Variants in KCTD19 observed in about 807,000 individuals in gnomAD.
KCTD19 encodes the protein BTB/POZ domain-containing protein KCTD19.
Under a neutral mutation model 103.5 loss-of-function variants are expected in KCTD19, and 67 were observed. The observed-to-expected ratio is 0.65, with a 90% CI of 0.53 to 0.79. The LOEUF (loss-of-function observed/expected upper bound fraction) is 0.79, where lower values mean the gene tolerates loss of function less well. KCTD19 is among the 30% of genes least tolerant of loss of function. The pLI is 0.00. For missense variants in KCTD19, 980 were observed against 1,136.1 expected, an observed-to-expected ratio of 0.86 and a Z score of 1.98; for synonymous variants, 439 against 452.2, an observed-to-expected ratio of 0.97 and a Z score of 0.37.
intron 7 of KCTD19, 92 bp downstream of exon 7, chr16:67,297,410 AC>A (rs1257108566): frequency 1.6e-6 from 2 of 1,273,714 alleles, no homozygotes; most frequent in Non-Finnish European, 2.2e-6. Flanking sequence ...TCCTCCATCT[AC>A]AGTTCCTCGT....
chr16:67,323,513 G>C lies in KCTD19; in HGVS notation c.4-2628C>G, dbSNP rs1202765006. On this transcript the variant is annotated intron_variant, in intron 1 of 15. Coordinates refer to ENST00000304372, the MANE Select transcript of KCTD19 (RefSeq NM_001100915.3). This position sits in a 1 kb window ranked among gnomAD's most constrained non-coding sequence, Gnocchi z 4.1. ...ACTCCAGCCTGGGCGTCAGAGTGAG[G>C]CACGTCTCTAAAAAAATAAAAAATA... Among the ~76,000 whole-genome samples, 2 of 152,058 alleles carry C rather than the reference G, an allele frequency of 1.3e-5. No homozygotes were observed. The highest frequency in any genetic ancestry group is 1.3e-4 in the Admixed American group (2 of 15,246).
chr16:67,318,157 T>C (rs1319220434), intron 2 of KCTD19, among the ~76,000 whole-genome samples: 1 of 152,224 alleles, frequency 6.6e-6, no homozygotes, highest in Non-Finnish European at 1.5e-5. Flanking sequence ...TTACAGTCTT[T>C]TTTTAGGGAG....
At chr16:67,305,544 G>A (rs1159089557) in intron 2 of KCTD19, 8 of 452,488 alleles carry the variant, frequency 1.8e-5, no homozygotes, top group Non-Finnish European at 3.5e-5. Flanking sequence ...ACCCCAACTA[G>A]GCAAGCCTGA....
intron 7 of KCTD19, among the ~76,000 whole-genome samples, chr16:67,297,205 G>T (rs809224): frequency 6.6e-6 from 1 of 152,136 alleles, no homozygotes; most frequent in Non-Finnish European, 1.5e-5. Flanking sequence ...CTCCCTGCAT[G>T]GCTGTGAGAA....
chr16:67,301,621 A>C (rs2036834973), intron 5 of KCTD19, among the ~76,000 whole-genome samples, 170 bp downstream of exon 5: 1 of 152,148 alleles, frequency 6.6e-6, no homozygotes, highest in Non-Finnish European at 1.5e-5. Flanking sequence ...AGGGCAGCAC[A>C]CAGGGTTTCA....
chr16:67,304,393 T>C, intron 3 of KCTD19, 28 bp downstream of exon 3: 2 of 1,611,940 alleles, frequency 1.2e-6, no homozygotes, highest in Admixed American at 1.7e-5. Flanking sequence ...GTGTGGGCTT[T>C]AGGGAGGGAC....
At chr16:67,325,207 C>CTTTTTTTTTTTTTTTTTTTTTTTTT (rs10695930) in intron 1 of KCTD19, among the ~76,000 whole-genome samples, 2 of 113,170 alleles carry the variant, frequency 1.8e-5, no homozygotes, top group African/African-American at 3.9e-5. Context: ...TTCTTTTTTT[C>CTTTTTTTTTTTTTTTTTTTTTTTTT]TTTTTTTTTT....
In KCTD19 at chr16:67,293,526, A is replaced by C; in HGVS notation, c.2218+18T>G. The stretch of plus-strand genomic sequence containing the variant: ...TCTGTTGTGAATAAGACTTAGATCA[A>C]AGGGGGACAGGACTCACCTCTCTCC... On this transcript the variant is annotated intron_variant, in intron 12 of 15. Coordinates refer to ENST00000304372, the MANE Select transcript of KCTD19 (RefSeq NM_001100915.3). This position sits in a 1 kb window ranked among gnomAD's most constrained non-coding sequence, Gnocchi z 4.0. 6.2e-7 allele frequency: 1 copy of C among 1,607,596 alleles called. No individual in the cohort carries two copies. Among genetic ancestry groups the C allele is most frequent in the Non-Finnish European group, 8.5e-7 (1 of 1,176,284 alleles).
chr16:67,324,756 C>T (rs930658363), intron 1 of KCTD19, among the ~76,000 whole-genome samples: 1 of 152,106 alleles, frequency 6.6e-6, no homozygotes, highest in South Asian at 2.1e-4. Flanking sequence ...CCATCTCTCC[C>T]ACAGCAATAT....
intron 12 of KCTD19, among the ~76,000 whole-genome samples, chr16:67,292,753 T>A: frequency 6.6e-6 from 1 of 152,184 alleles, no homozygotes; most frequent in East Asian, 1.9e-4. Flanking sequence ...CTCTCTCCAG[T>A]TCAGTCCCTG....
Position 67,326,701 on chromosome 16 carries a change from G to A in KCTD19, c.3+4C>T, listed in dbSNP as rs1352108449. 4 of 1,579,474 alleles carry A rather than the reference G, an allele frequency of 2.5e-6. No homozygotes were observed. Among genetic ancestry groups the A allele is most frequent in the East Asian group, 2.5e-5 (1 of 40,482 alleles). ...TGGCGCCCCCGCCAGAGCGGGCTCC[G>A]TACCATGGTCGCGGCTCCAGCAGCG... is the stretch of plus-strand genomic sequence containing the variant. On this transcript the variant is annotated splice_donor_region_variant and intron_variant, in intron 1 of 15. Transcript: ENST00000304372.
At chr16:67,325,566 G>C (rs555641301) in intron 1 of KCTD19, among the ~76,000 whole-genome samples, 50 of 152,046 alleles carry the variant, frequency 3.3e-4, no homozygotes, top group Non-Finnish European at 6.2e-4. Context: ...GTTAAGGATA[G>C]GGTGTGACAA....
Position 67,316,908 on chromosome 16 carries a change from G to A in KCTD19, c.300+3681C>T, listed in dbSNP as rs115766386. Among the ~76,000 whole-genome samples the A allele has an allele frequency of 2.9e-3, 446 of 152,274 alleles. 4 individuals carry two copies. Among genetic ancestry groups the A allele is most frequent in the African/African-American group, 0.01 (436 of 41,548 alleles). ...GAGCAGAGCAGCAGCGTGAGCCTGG[G>A]TGCCTGTACTCCAGAAGCTTCCCAT... On this transcript the variant is annotated intron_variant, in intron 2 of 15. Coordinates refer to ENST00000304372, the MANE Select transcript of KCTD19 (RefSeq NM_001100915.3).
At chr16:67,314,796 G>T (rs2036984976) in intron 2 of KCTD19, among the ~76,000 whole-genome samples, 1 of 91,806 alleles carries the variant, frequency 1.1e-5, no homozygotes, top group Non-Finnish European at 2.0e-5. Context: ...TTTTCACTTA[G>T]CATTATATAT....
chr16:67,314,863 AGAGAGAGAGAGG>A (rs1229511727), intron 2 of KCTD19, among the ~76,000 whole-genome samples: 214 of 144,354 alleles, frequency 1.5e-3, no homozygotes, highest in Non-Finnish European at 2.2e-3. Flanking sequence ...AGAGAGAGAG[AGAGAGAGAGAGG>A]GGAAGGGTCT....
chr16:67,315,141 G>A (rs959959782), intron 2 of KCTD19, among the ~76,000 whole-genome samples: 1 of 151,202 alleles, frequency 6.6e-6, no homozygotes, highest in African/African-American at 2.4e-5. Flanking sequence ...ATAACATTTA[G>A]AATAAATCCT....
intron 8 of KCTD19, 36 bp downstream of exon 8, chr16:67,296,123 C>T: frequency 8.0e-7 from 1 of 1,245,376 alleles, no homozygotes; most frequent in Non-Finnish European, 1.2e-6. Context: ...GGTGGTGATG[C>T]CAGATGGGGA....
chr16:67,290,425 G>A (rs1401808124), intron 15 of KCTD19, among the ~76,000 whole-genome samples: 11 of 151,986 alleles, frequency 7.2e-5, no homozygotes, highest in African/African-American at 2.4e-4. Flanking sequence ...TGATCCACCC[G>A]CCTCGGCCTC....
chr16:67,325,915 C>CT (rs777824146), intron 1 of KCTD19: 2,681 of 129,314 alleles, frequency 0.021, 71 homozygotes, highest in African/African-American at 0.048. Flanking sequence ...AATTTCTTAC[C>CT]TTTTTTTTTT....
Sources: allele counts gnomAD v4.1 joint callset (sites outside exome capture counted in the v4.1 genomes callset), GRCh38; gene constraint gnomAD v4.1.1; non-coding constraint Gnocchi (gnomAD v3.1); transcripts MANE v1.5; gene names NCBI Gene and HGNC (gene_info 2026-07-23, HGNC 2026-07-21).